RAD52: variants seen among roughly 807,000 people sequenced by gnomAD.
RAD52 encodes the protein RAD52 DNA repair protein, also known as DNA repair protein RAD52 homolog.
A neutral mutation model predicts 55.5 loss-of-function variants in RAD52; 47 were observed. The observed-to-expected ratio is 0.85, with a 90% CI of 0.67 to 1.08. RAD52 has a LOEUF of 1.08. RAD52 is among the 50% of genes least tolerant of loss of function. RAD52 has a pLI of 0.00. For missense variants in RAD52, 468 were observed against 522.8 expected, an observed-to-expected ratio of 0.90 and a Z score of 1.02; for synonymous variants, 184 against 198.9, an observed-to-expected ratio of 0.92 and a Z score of 0.63.
intron 1 of RAD52, among the ~76,000 whole-genome samples, chr12:947,287 C>T (rs1267424961): frequency 1.3e-5 from 2 of 151,660 alleles, no homozygotes; most frequent in Non-Finnish European, 2.9e-5. Flanking sequence ...GATCTCGCCA[C>T]TGCAGTCCAG....
chr12:928,371 GGC>G (rs1957152822), intron 5 of RAD52, among the ~76,000 whole-genome samples: 1 of 152,088 alleles, frequency 6.6e-6, no homozygotes, highest in African/African-American at 2.4e-5. Flanking sequence ...CAAAAAATTA[GGC>G]GGGCGGGGTG....
chr12:941,234 C>T (rs1396782177), intron 1 of RAD52, among the ~76,000 whole-genome samples: 1 of 152,014 alleles, frequency 6.6e-6, no homozygotes, highest in Non-Finnish European at 1.5e-5. Flanking sequence ...CTCCATTTTA[C>T]AATAAAGGTA....
intron 1 of RAD52, among the ~76,000 whole-genome samples, chr12:983,183 T>C (rs1288320275): frequency 4.6e-5 from 7 of 152,114 alleles, no homozygotes; most frequent in Admixed American, 4.6e-4. Context: ...ACCTCAAAAC[T>C]CGTTCACTCT....
chr12:981,236 G>C (rs1345654633), intron 1 of RAD52, among the ~76,000 whole-genome samples: 1 of 152,002 alleles, frequency 6.6e-6, no homozygotes, highest in Non-Finnish European at 1.5e-5. Context: ...GGGAAGCTGA[G>C]GTGGGAGGAT....
At chr12:913,637 T>C (rs1013273784) in intron 11 of RAD52, among the ~76,000 whole-genome samples, 185 bp from the exon 12 acceptor site, 3 of 152,208 alleles carry the variant, frequency 2.0e-5, no homozygotes, top group Admixed American at 6.5e-5. Context: ...GACCTGCTGC[T>C]GGGAGGGACA....
At chr12:986,843 TCTAA>T (rs374837264) in intron 1 of RAD52, among the ~76,000 whole-genome samples, 1 of 151,538 alleles carries the variant, frequency 6.6e-6, no homozygotes, top group African/African-American at 2.4e-5. Flanking sequence ...TCTGTTCCAA[TCTAA>T]CTAAGTTCCT....
chr12:913,228 C>G lies in RAD52; in HGVS notation c.*163G>C. 3.0e-6 allele frequency: 2 copies of G among 666,188 alleles called. No homozygotes were observed. The highest frequency in any genetic ancestry group is 2.6e-5 in the East Asian group (1 of 38,810). 41.3% of individuals were successfully genotyped at this position (666,188 alleles called of 1,614,324 possible). ...GCTTTTCAAAAGTGCTCAGCTCTAACTGCAGTGGGCTCTCAGTCAGATCCT... is the reference window on the plus strand; with the variant it reads ...GCTTTTCAAAAGTGCTCAGCTCTAAGTGCAGTGGGCTCTCAGTCAGATCCT... On this transcript the variant is annotated 3_prime_UTR_variant, in exon 12 of 12. Coordinates refer to ENST00000358495, the MANE Select transcript of RAD52 (RefSeq NM_134424.4).
chr12:924,947 ATTTTT>A (rs10708242), intron 7 of RAD52, among the ~76,000 whole-genome samples: 2 of 105,606 alleles, frequency 1.9e-5, no homozygotes. Context: ...AAATGGTGTG[ATTTTT>A]TTTTTTTTTT....
At chr12:958,224 T>C (rs1193259889) in intron 1 of RAD52, among the ~76,000 whole-genome samples, 1 of 152,206 alleles carries the variant, frequency 6.6e-6, no homozygotes, top group East Asian at 1.9e-4. Context: ...CTATTTTATT[T>C]TATTTTTTGA....
chr12:960,615 A>G (rs1958669881), intron 1 of RAD52, among the ~76,000 whole-genome samples: 1 of 152,160 alleles, frequency 6.6e-6, no homozygotes, highest in Admixed American at 6.5e-5. Context: ...GGCACATGCC[A>G]CCACACCCTA....
At chr12:985,768 G>A (rs1334715519) in intron 1 of RAD52, among the ~76,000 whole-genome samples, 5 of 151,758 alleles carry the variant, frequency 3.3e-5, no homozygotes, top group Non-Finnish European at 5.9e-5. Flanking sequence ...TCAGCCTCCC[G>A]AGTAGTTGGG....
chr12:951,120 A>T (rs10774474), upstream of RAD52, among the ~76,000 whole-genome samples: 107,584 of 145,536 alleles, frequency 0.74, 39,426 homozygotes, highest in Non-Finnish European at 0.81. Flanking sequence ...TTTTTTTTTT[A>T]AAGAGTCAGG....
At chr12:965,879 G>T (rs1197898867) in intron 1 of RAD52, among the ~76,000 whole-genome samples, 1 of 152,016 alleles carries the variant, frequency 6.6e-6, no homozygotes, top group East Asian at 1.9e-4. Context: ...TAGAGACAGG[G>T]TTTCGCCTGT....
chr12:983,876 T>C (rs1335578719), intron 1 of RAD52, among the ~76,000 whole-genome samples: 1 of 152,212 alleles, frequency 6.6e-6, no homozygotes, highest in Non-Finnish European at 1.5e-5. Context: ...TCTCCAAATA[T>C]AGTCACACTG....
At chr12:965,771 C>A (rs919735895) in intron 1 of RAD52, among the ~76,000 whole-genome samples, 1 of 151,740 alleles carries the variant, frequency 6.6e-6, no homozygotes, top group East Asian at 1.9e-4. Context: ...CTGCAACCTC[C>A]GCCTTCCAGG....
chr12:948,827 G>A (rs1393954000), intron 1 of RAD52, among the ~76,000 whole-genome samples: 1 of 152,000 alleles, frequency 6.6e-6, no homozygotes, highest in African/African-American at 2.4e-5. Context: ...CGCCTCCCGA[G>A]TAGCGGGGAT....
intron 1 of RAD52, among the ~76,000 whole-genome samples, chr12:958,273 T>C (rs1958637097): frequency 6.6e-6 from 1 of 152,224 alleles, no homozygotes; most frequent in South Asian, 2.1e-4. Context: ...TGGAGTGCAA[T>C]GGCCAGATCT....
At chr12:945,016 G>A (rs1958133461) in intron 1 of RAD52, among the ~76,000 whole-genome samples, 1 of 151,902 alleles carries the variant, frequency 6.6e-6, no homozygotes, top group Non-Finnish European at 1.5e-5. Context: ...TATGAACACA[G>A]TACTATAATG....
intron 1 of RAD52, among the ~76,000 whole-genome samples, chr12:983,461 G>C (rs1282413243): frequency 7.0e-6 from 1 of 142,040 alleles, no homozygotes; most frequent in African/African-American, 2.8e-5. Context: ...TTGTTGCCCA[G>C]ACTGGAGAGC....
Sources: gnomAD v4.1 joint callset for allele counts (sites outside exome capture counted in the v4.1 genomes callset) on GRCh38, gnomAD v4.1.1 for gene constraint, MANE v1.5 for transcripts, NCBI Gene and HGNC (gene_info 2026-07-23, HGNC 2026-07-21) for gene names.